Variants in CAMKK2 observed in about 807,000 individuals in gnomAD.
CAMKK2 encodes calcium/calmodulin dependent protein kinase kinase 2, also known as calcium/calmodulin-dependent protein kinase kinase 2.
CAMKK2 carries 30 observed loss-of-function variants against 67.2 expected under a neutral mutation model. The ratio of observed to expected loss-of-function variants is 0.45; its 90% CI spans 0.33 to 0.61. The LOEUF (loss-of-function observed/expected upper bound fraction) is 0.61, where lower values mean the gene tolerates loss of function less well. CAMKK2 is among the 20% of genes least tolerant of loss of function. The probability of loss-of-function intolerance (pLI) is 0.02; values close to 1 mark genes in which losing one functional copy is unlikely to be tolerated. For missense variants in CAMKK2, 643 were observed against 802.0 expected (o/e 0.80, Z 2.39); for synonymous variants, 322 against 326.2 (o/e 0.99, Z 0.14).
At chr12:121,255,147 T>C (rs2136237000) in intron 9 of CAMKK2, among the ~76,000 whole-genome samples, 1 of 134,612 alleles carries the variant, frequency 7.4e-6, no homozygotes, top group African/African-American at 2.8e-5. Context: ...ACAGACTATA[T>C]TGTGGGACCT....
At position 121,293,431 on chromosome 12, in the gene CAMKK2, A is replaced by C. The variant is rs546285093; in HGVS notation, c.-60+3207T>G. On this transcript the variant is annotated intron_variant, in intron 1 of 16. Transcript: ENST00000404169. ...AAGAAAGTATGCTGGGGCGGGAAGA[A>C]GATCACAGGTGACCCTGAGCAAATT... Among the ~76,000 whole-genome samples the C allele has an allele frequency of 2.0e-5, 3 of 152,190 alleles. No homozygotes were observed. In the South Asian group the frequency reaches 6.2e-4, roughly 32 times the overall value.
chr12:121,261,362 C>T (rs996870222), intron 6 of CAMKK2, among the ~76,000 whole-genome samples: 2 of 152,214 alleles, frequency 1.3e-5, no homozygotes, highest in Non-Finnish European at 2.9e-5. Context: ...AAATGGCCAA[C>T]TCTAGCACCA....
At chr12:121,287,464 G>A (rs1216124487) in intron 1 of CAMKK2, among the ~76,000 whole-genome samples, 1 of 151,982 alleles carries the variant, frequency 6.6e-6, no homozygotes, top group Non-Finnish European at 1.5e-5. Context: ...AGGCAGCCCA[G>A]CAGGCTCGCA....
At chr12:121,275,744 G>T (rs1364900582) in intron 1 of CAMKK2, among the ~76,000 whole-genome samples, 3 of 152,052 alleles carry the variant, frequency 2.0e-5, no homozygotes, top group Non-Finnish European at 4.4e-5. Context: ...TTTCCTTTTG[G>T]GGTGATCAAA....
chr12:121,263,212 G>A (rs982500868), intron 6 of CAMKK2, among the ~76,000 whole-genome samples: 9 of 152,076 alleles, frequency 5.9e-5, no homozygotes, highest in Non-Finnish European at 1.3e-4. Context: ...TAGAGCAGGG[G>A]CTGGCAAACT....
chr12:121,238,274 A>T lies in CAMKK2; in HGVS notation c.*2425T>A, dbSNP rs1816821051. 6.6e-6 allele frequency: 1 copy of T among 152,272 alleles called. No homozygotes were observed. Among genetic ancestry groups the T allele is most frequent in the Non-Finnish European group, 1.5e-5 (1 of 68,098 alleles). The allele number at this position is 152,272 out of a possible 1,614,324, so 9.4% of individuals were successfully genotyped here. A position where few individuals can be genotyped will look rare whatever the true frequency, so the allele number is the denominator to read the frequency against. On this transcript the variant is annotated 3_prime_UTR_variant, in exon 17 of 17. Transcript: ENST00000404169. ...AAAGGGCAGAGGAAATGGGAAGTGG[A>T]TGGAGGGTTTGTGCTTCCTTCGAGG...
intron 2 of CAMKK2, 25 bp downstream of exon 2, chr12:121,274,031 C>T: frequency 5.5e-6 from 8 of 1,448,674 alleles, no homozygotes; most frequent in Non-Finnish European, 7.3e-6. Context: ...ACCCCTAGGA[C>T]CTGGCTCACC....
intron 1 of CAMKK2, among the ~76,000 whole-genome samples, chr12:121,279,542 C>T (rs747038426): frequency 2.6e-5 from 4 of 152,236 alleles, no homozygotes; most frequent in Admixed American, 6.5e-5. Flanking sequence ...GCACCCAGCA[C>T]GGAGATAACC....
chr12:121,271,346 A>C (rs1263782309), intron 2 of CAMKK2, among the ~76,000 whole-genome samples: 1 of 151,002 alleles, frequency 6.6e-6, no homozygotes, highest in Admixed American at 6.7e-5. Flanking sequence ...ACCAGAACCC[A>C]AATCAAGAAA....
chr12:121,295,849 C>T (rs1901044998), intron 1 of CAMKK2, among the ~76,000 whole-genome samples: 2 of 152,236 alleles, frequency 1.3e-5, no homozygotes, highest in African/African-American at 4.8e-5. Flanking sequence ...AAAGCACCCA[C>T]TTCCCCAGCT....
chr12:121,274,462 C>T lies in CAMKK2; in HGVS notation c.65G>A (p.Gly22Asp), dbSNP rs199883814. 1.7e-5 allele frequency: 27 copies of T among 1,612,720 alleles called. No homozygotes were observed. In the African/African-American group the frequency reaches 3.5e-4, roughly 21 times the overall value. ...NRAAPQDELG[G>D]RGSSSSESQK... ...GCTTTCGCTGCTGCTGCTGCCCCTG[C>T]CCCCCAGCTCATCCTGGGGGGCGGC... The change falls in exon 2 of 17, where the codon GGC becomes GAC. Residue 22 changes from glycine (G) to aspartate (D), a missense_variant. Coordinates refer to ENST00000404169, the MANE Select transcript of CAMKK2 (RefSeq NM_001270485.2).
intron 1 of CAMKK2, among the ~76,000 whole-genome samples, chr12:121,284,260 C>T (rs79820177): frequency 0.01 from 1,586 of 152,332 alleles, 23 homozygotes; most frequent in African/African-American, 0.036. Context: ...CCCAAAGTCA[C>T]GCAGTGGTTC....
intron 1 of CAMKK2, among the ~76,000 whole-genome samples, chr12:121,291,551 T>C (rs568922180): frequency 1.1e-4 from 17 of 152,204 alleles, no homozygotes; most frequent in Non-Finnish European, 1.8e-4. Flanking sequence ...ATTCTATTTA[T>C]ATGAAATGTC....
Position 121,268,613 on chromosome 12 carries a change from A to G in CAMKK2, c.625+25T>C, listed in dbSNP as rs199802226. On this transcript the variant is annotated intron_variant, in intron 5 of 16. Transcript: ENST00000404169. The stretch of plus-strand genomic sequence containing the variant: ...CTGTCTTGTCCCAGCCCCTGTACCT[A>G]ACAACAAAGGCCCGCCAAACTCACG... 3.7e-6 allele frequency: 6 copies of G among 1,612,496 alleles called. No individual in the cohort carries two copies. The South Asian group carries it at 4.4e-5, about 12-fold the overall frequency.
At chr12:121,259,590 G>T (rs1415421953) in intron 7 of CAMKK2, among the ~76,000 whole-genome samples, 2 of 152,050 alleles carry the variant, frequency 1.3e-5, no homozygotes, top group African/African-American at 4.8e-5. Flanking sequence ...TGCCTACTAT[G>T]TTTATAATCT....
chr12:121,238,039 G>A lies in CAMKK2; in HGVS notation c.*2660C>T, dbSNP rs1180979614. The stretch of plus-strand genomic sequence containing the variant: ...CTCGGCAACGTGAAGCTCCCCGCTG[G>A]AAGACAAGTGAGAGCGACAGGCCAG... On this transcript the variant is annotated 3_prime_UTR_variant, in exon 17 of 17. Coordinates refer to ENST00000404169, the MANE Select transcript of CAMKK2 (RefSeq NM_001270485.2). 1 of 152,646 alleles carries A rather than the reference G, an allele frequency of 6.6e-6. No individual in the cohort carries two copies. The highest frequency in any genetic ancestry group is 1.5e-5 in the Non-Finnish European group (1 of 68,084). The allele number at this position is 152,646 out of a possible 1,614,324, so 9.5% of individuals were successfully genotyped here.
rs758327001 is a variant in CAMKK2 at position 121,255,608 on chromosome 12, T to C, written c.849A>G (p.Pro283=). The C allele has an allele frequency of 5.6e-6, 9 of 1,611,672 alleles. No homozygotes were observed. In the East Asian group the frequency reaches 1.1e-4, roughly 20 times the overall value. The stretch of plus-strand genomic sequence containing the variant: ...AGAAACGGGCCTGGTCTTCAGAGAG[T>C]GGTTTGAGGGTGGGCACTTCCATCA... The part of the protein sequence containing the change: ...GPVMEVPTLK[P]LSEDQARFYF... The change falls in exon 9 of 17, where the codon CCA becomes CCG. Residue 283 remains proline (P), a synonymous_variant. Transcript: ENST00000404169.
At chr12:121,294,194 A>G (rs895333793) in intron 1 of CAMKK2, among the ~76,000 whole-genome samples, 4 of 152,072 alleles carry the variant, frequency 2.6e-5, no homozygotes, top group African/African-American at 9.7e-5. Context: ...CGGCCTCCCA[A>G]AGTGCTGGGA....
chr12:121,262,714 AT>A (rs1893715589), intron 6 of CAMKK2, among the ~76,000 whole-genome samples: 1 of 151,944 alleles, frequency 6.6e-6, no homozygotes, highest in Non-Finnish European at 1.5e-5. Context: ...GTGCACCACC[AT>A]ACCGGGCTAA....
Sources: gnomAD v4.1 joint callset for allele counts (sites outside exome capture counted in the v4.1 genomes callset) on GRCh38, gnomAD v4.1.1 for gene constraint, MANE v1.5 for transcripts, NCBI Gene and HGNC (gene_info 2026-07-23, HGNC 2026-07-21) for gene names.